Variants in POM121C observed in about 807,000 individuals in gnomAD.
POM121C encodes the protein POM121 transmembrane nucleoporin C.
In POM121C, 20 loss-of-function variants were observed where a neutral mutation model predicts 66.4. That is an observed-to-expected ratio of 0.30 (90% confidence interval 0.21 to 0.44). The LOEUF is 0.44. POM121C is among the 20% of genes least tolerant of loss of function. The pLI, the probability that POM121C is intolerant of heterozygous loss-of-function variation, is 1.00. For synonymous variants in POM121C, 286 were observed against 528.0 expected, an observed-to-expected ratio of 0.54 and a Z score of 6.28; for missense variants, 580 against 1,225.7, an observed-to-expected ratio of 0.47 and a Z score of 7.87.
Position 75,416,829 on chromosome 7 carries a change from G to GA in POM121C, c.*1966dup. 1.4e-6 allele frequency: 2 copies of GA among 1,457,134 alleles called. No homozygotes were observed. Among genetic ancestry groups the GA allele is most frequent in the Non-Finnish European group, 1.8e-6 (2 of 1,103,368 alleles). The allele number at this position is 1,457,134 out of a possible 1,614,324, so 90.3% of individuals were successfully genotyped here. On this transcript the variant is annotated 3_prime_UTR_variant, in exon 15 of 15. Coordinates refer to ENST00000615331, the MANE Select transcript of POM121C (RefSeq NM_001099415.3). ...TTTATTCTTAATGTCACAAGCAGGAGAAAAATCTCACATTCATACTAAAAA... is the reference window on the plus strand; with the variant it reads ...TTTATTCTTAATGTCACAAGCAGGAGAAAAAATCTCACATTCATACTAAAAA...
chr7:75,429,313 G>C (rs1790077545), intron 7 of POM121C, among the ~76,000 whole-genome samples: 1 of 152,206 alleles, frequency 6.6e-6, no homozygotes, highest in African/African-American at 2.4e-5. Flanking sequence ...ACATTTTGAA[G>C]ACACTATTTA....
intron 3 of POM121C, among the ~76,000 whole-genome samples, chr7:75,447,034 A>G (rs1790841186): frequency 6.7e-6 from 1 of 148,272 alleles, no homozygotes; most frequent in African/African-American, 2.5e-5. Context: ...AAAAAAAAAA[A>G]AAAATGACCA....
intron 3 of POM121C, among the ~76,000 whole-genome samples, chr7:75,472,550 T>C (rs1429072872): frequency 1.3e-5 from 2 of 151,942 alleles, no homozygotes; most frequent in African/African-American, 4.8e-5. Context: ...CTCAGGCCTG[T>C]AATCCTAGCA....
At chr7:75,444,427 G>A (rs2116425447) in intron 3 of POM121C, among the ~76,000 whole-genome samples, 1 of 151,076 alleles carries the variant, frequency 6.6e-6, no homozygotes, top group South Asian at 2.1e-4. Flanking sequence ...AACAGGGGAA[G>A]AAGAAACATA....
intron 1 of POM121C, among the ~76,000 whole-genome samples, chr7:75,480,735 C>T (rs1554479987): frequency 6.6e-6 from 1 of 152,072 alleles, no homozygotes; most frequent in Non-Finnish European, 1.5e-5. Flanking sequence ...CACTGTGGAA[C>T]AAATCCGTAT....
intron 7 of POM121C, among the ~76,000 whole-genome samples, chr7:75,432,184 CAAAA>C (rs57890055): frequency 8.5e-4 from 92 of 107,688 alleles, no homozygotes; most frequent in South Asian, 1.5e-3. Flanking sequence ...GAATCTGTCT[CAAAA>C]AAAAAAAAAA....
Position 75,439,228 on chromosome 7 carries a change from C to G in POM121C, c.228-4G>C. The G allele has an allele frequency of 6.2e-7, 1 of 1,614,016 alleles. No individual in the cohort carries two copies. The highest frequency in any genetic ancestry group is 8.5e-7 in the Non-Finnish European group (1 of 1,179,992). On this transcript the variant is annotated splice_region_variant and splice_polypyrimidine_tract_variant and intron_variant, in intron 5 of 14. Coordinates refer to ENST00000615331, the MANE Select transcript of POM121C (RefSeq NM_001099415.3). Reference sequence around the variant, plus strand: ...ACTGCCACTGCTATCATGGCGCCTGCGACAAATCAAAAAAGTCTCAAATGA... The same window carrying G: ...ACTGCCACTGCTATCATGGCGCCTGGGACAAATCAAAAAAGTCTCAAATGA...
Position 75,426,773 on chromosome 7 carries a change from G to A in POM121C, c.481-320C>T, listed in dbSNP as rs1306878155. On this transcript the variant is annotated intron_variant, in intron 7 of 14. Coordinates refer to ENST00000615331, the MANE Select transcript of POM121C (RefSeq NM_001099415.3). The stretch of plus-strand genomic sequence containing the variant: ...AGATTGCCCCACTGCACTCCAGCCT[G>A]GGTGACAGAGTGAGACCCTGTCTCA... Among the ~76,000 whole-genome samples the A allele has an allele frequency of 7.5e-5, 5 of 66,900 alleles. No homozygotes were observed. The East Asian group carries it at 1.5e-3, about 21-fold the overall frequency. 43.9% of individuals were successfully genotyped at this position (66,900 alleles called of 152,430 possible). A position where few individuals can be genotyped will look rare whatever the true frequency, so the allele number is the denominator to read the frequency against.
chr7:75,481,295 A>G (rs1262392727), intron 1 of POM121C, among the ~76,000 whole-genome samples: 1 of 151,530 alleles, frequency 6.6e-6, no homozygotes, highest in African/African-American at 2.4e-5. Flanking sequence ...TATATCAAAT[A>G]TATTTCAAAA....
intron 3 of POM121C, among the ~76,000 whole-genome samples, chr7:75,468,936 C>T (rs1196967195): frequency 6.6e-6 from 1 of 152,138 alleles, no homozygotes; most frequent in East Asian, 1.9e-4. Flanking sequence ...TTCCCAATTT[C>T]GCACTCTCCC....
In POM121C at chr7:75,457,138, C is replaced by T. The variant is rs782162084; in HGVS notation, c.-151-15491G>A. Among the ~76,000 whole-genome samples the T allele has an allele frequency of 5.4e-5, 8 of 147,238 alleles. No homozygotes were observed. In the South Asian group the frequency reaches 6.4e-4, roughly 12 times the overall value. On this transcript the variant is annotated intron_variant, in intron 3 of 14. Transcript: ENST00000615331. ...CTCCAGCCTGGGCAACAGAGCCAGA[C>T]TATTTCAATTAAAAATAAATAAATA... is the stretch of plus-strand genomic sequence containing the variant.
In POM121C at chr7:75,421,516, C is replaced by T. The variant is rs1554470620; in HGVS notation, c.2736G>A (p.Val912=). 1.2e-6 allele frequency: 2 copies of T among 1,610,966 alleles called. No homozygotes were observed. The highest frequency in any genetic ancestry group is 2.2e-5 in the East Asian group (1 of 44,868). Reference sequence around the variant, plus strand: ...GTCCACGCCCCTCCTTACCTCCAAACACAGGTTTGCTCTCAGTTGTGCTGC... The same window carrying T: ...GTCCACGCCCCTCCTTACCTCCAAATACAGGTTTGCTCTCAGTTGTGCTGC... ...NVGSTTESKP[V]FGGTATPTFG... is the part of the protein sequence containing the mutation. Residue 912 remains valine, a synonymous_variant, in exon 13 of 15, where the codon GTG becomes GTA. Transcript: ENST00000615331.
Position 75,423,018 on chromosome 7 carries a change from T to C in POM121C, c.1234A>G (p.Lys412Glu). 1 of 1,537,878 alleles carries C rather than the reference T, an allele frequency of 6.5e-7. No homozygotes were observed. Among genetic ancestry groups the C allele is most frequent in the Non-Finnish European group, 8.8e-7 (1 of 1,142,400 alleles). Residue 412 changes from lysine (K) to glutamate (E), a missense_variant, in exon 13 of 15, where the codon AAG (lysine) becomes GAG (glutamate). Physicochemically the swap from Lys to Glu is moderately conservative, Grantham distance 56. Coordinates refer to ENST00000615331, the MANE Select transcript of POM121C (RefSeq NM_001099415.3). ...APSMVPATDT[K>E]APPTLQAETA... ...TCTGCCTGAAGGGTTGGAGGTGCCT[T>C]GGTGTCAGTGGCTGGTACCATGGAT...
intron 7 of POM121C, 92 bp downstream of exon 7, chr7:75,437,423 G>A (rs1390975806): frequency 2.7e-6 from 4 of 1,488,746 alleles, no homozygotes; most frequent in Non-Finnish European, 3.6e-6. Flanking sequence ...CAAAGTGCTG[G>A]GATTACATGG....
chr7:75,430,842 T>C (rs1337583988), intron 7 of POM121C, among the ~76,000 whole-genome samples: 2 of 151,516 alleles, frequency 1.3e-5, no homozygotes, highest in Admixed American at 1.3e-4. Context: ...TTTGGGAGAC[T>C]GAGGTGGGCA....
At chr7:75,477,984 G>C (rs1792155302) in intron 1 of POM121C, among the ~76,000 whole-genome samples, 1 of 151,666 alleles carries the variant, frequency 6.6e-6, no homozygotes, top group African/African-American at 2.4e-5. Context: ...TTTGTTTTTT[G>C]AGATGAAGTC....
chr7:75,428,918 C>G (rs1790062980), intron 7 of POM121C, among the ~76,000 whole-genome samples: 1 of 149,412 alleles, frequency 6.7e-6, no homozygotes, highest in African/African-American at 2.5e-5. Flanking sequence ...AGTTTTGAGA[C>G]CAGCCTAGGC....
chr7:75,449,391 GTC>G (rs1388597523), intron 3 of POM121C, among the ~76,000 whole-genome samples: 3 of 147,198 alleles, frequency 2.0e-5, no homozygotes, highest in African/African-American at 7.5e-5. Context: ...TTGAGACTGA[GTC>G]TCACTCTGTC....
At chr7:75,461,600 A>G (rs1426990121) in intron 3 of POM121C, among the ~76,000 whole-genome samples, 22 of 151,972 alleles carry the variant, frequency 1.4e-4, no homozygotes, top group African/African-American at 1.9e-4. Context: ...TTTTTCAGAC[A>G]GGGTTTTGCC....
Sources: gnomAD v4.1 joint callset for allele counts (sites outside exome capture counted in the v4.1 genomes callset) on GRCh38, gnomAD v4.1.1 for gene constraint, MANE v1.5 for transcripts, NCBI Gene and HGNC (gene_info 2026-07-23, HGNC 2026-07-21) for gene names.